The following DENND5B variants were observed in gnomAD, a reference collection of about 807,000 sequenced individuals.
DENND5B encodes DENN domain-containing protein 5B.
A neutral mutation model predicts 140.6 loss-of-function variants in DENND5B; 34 were observed. The observed-to-expected ratio is 0.24, with a 90% CI of 0.18 to 0.32. The LOEUF (loss-of-function observed/expected upper bound fraction) is 0.32, where lower values mean the gene tolerates loss of function less well. DENND5B is among the 10% of genes least tolerant of loss of function. DENND5B has a pLI of 1.00. For synonymous variants in DENND5B, 551 were observed against 562.1 expected (o/e 0.98, Z 0.28); for missense variants, 1,142 against 1,560.2 (o/e 0.73, Z 4.52).
At chr12:31,530,335 T>A (rs1203596908) in intron 1 of DENND5B, among the ~76,000 whole-genome samples, 1 of 152,186 alleles carries the variant, frequency 6.6e-6, no homozygotes, top group Non-Finnish European at 1.5e-5. Context: ...ATCGTGCCAT[T>A]GCACTCCAGC....
chr12:31,432,958 A>G (rs1943577481), intron 8 of DENND5B, 197 bp downstream of exon 8: 1 of 521,424 alleles, frequency 1.9e-6, no homozygotes, highest in African/African-American at 2.0e-5. Flanking sequence ...CTTATTATAG[A>G]TGTCTTGAAA....
intron 1 of DENND5B, among the ~76,000 whole-genome samples, chr12:31,572,019 G>C (rs1457893888): frequency 1.3e-5 from 2 of 152,272 alleles, no homozygotes; most frequent in African/African-American, 4.8e-5. Context: ...GAGGTCGGGA[G>C]CTCAAGACCA....
At chr12:31,424,139 C>A (rs978718670) in intron 10 of DENND5B, among the ~76,000 whole-genome samples, 5 of 152,000 alleles carry the variant, frequency 3.3e-5, no homozygotes, top group Non-Finnish European at 5.9e-5. Context: ...AAGAAACATG[C>A]ACACATCAGA....
intron 1 of DENND5B, among the ~76,000 whole-genome samples, chr12:31,551,836 G>T: frequency 6.6e-6 from 1 of 152,184 alleles, no homozygotes. Context: ...ATTGTGAATG[G>T]GAGTTCACTC....
intron 1 of DENND5B, among the ~76,000 whole-genome samples, chr12:31,588,265 G>A (rs1197948794): frequency 6.6e-6 from 1 of 152,100 alleles, no homozygotes; most frequent in Non-Finnish European, 1.5e-5. Flanking sequence ...CCCTCCCTGT[G>A]AGGCCTTCCC....
intron 1 of DENND5B, among the ~76,000 whole-genome samples, chr12:31,556,023 G>A (rs549999302): frequency 1.8e-4 from 28 of 152,296 alleles, no homozygotes; most frequent in African/African-American, 5.3e-4. Flanking sequence ...GTGATGCCTC[G>A]CCCTGCTTCG....
Position 31,389,490 on chromosome 12 carries a change from C to A in DENND5B, c.3475G>T (p.Val1159Phe). The change falls in exon 20 of 21, where the codon GTT (valine) becomes TTT (phenylalanine). Residue 1159 changes from valine (V) to phenylalanine (F), a missense_variant. Physicochemically the swap from Val to Phe is conservative, Grantham distance 50. Around this residue, in one of 5 missense-constraint regions of DENND5B, gnomAD observed 125 missense variants for 179.0 expected, o/e 0.70. Transcript: ENST00000389082. ...VFIWDFIEKV[V>F]AYFETTDQIL... ...TGGTCAGTTGTTTCAAAATAAGCAA[C>A]CACTTTCTCTGAGGAAAAAAGTCAG... The A allele has an allele frequency of 6.3e-7, 1 of 1,582,262 alleles. No individual in the cohort carries two copies. The highest frequency in any genetic ancestry group is 8.6e-7 in the Non-Finnish European group (1 of 1,162,922).
rs1407109172 is a variant in DENND5B at position 31,563,028 on chromosome 12, CAGATGGAGAGCCTGCAAAGT to C, written c.127+27658_127+27677del. Reference sequence around the variant, plus strand: ...AATAACTGCACCTAGCTTGGTGAGACAGATGGAGAGCCTGCAAAGTCTACAAACTTTTTGTTTAAAAGGTG... The same window carrying C: ...AATAACTGCACCTAGCTTGGTGAGACCTACAAACTTTTTGTTTAAAAGGTG... On this transcript the variant is annotated intron_variant, in intron 1 of 20. Coordinates refer to ENST00000389082, the MANE Select transcript of DENND5B (RefSeq NM_144973.4). Among the ~76,000 whole-genome samples the C allele has an allele frequency of 2.6e-5, 4 of 151,582 alleles. No homozygotes were observed. In the East Asian group the frequency reaches 7.7e-4, roughly 29 times the overall value.
At chr12:31,452,666 GA>G (rs1374098998) in intron 4 of DENND5B, among the ~76,000 whole-genome samples, 190 bp from the exon 5 acceptor site, 3 of 151,010 alleles carry the variant, frequency 2.0e-5, no homozygotes, top group South Asian at 2.1e-4. Context: ...TCTACAAAAA[GA>G]AAAAAAAATT....
intron 3 of DENND5B, among the ~76,000 whole-genome samples, chr12:31,463,032 G>T (rs551006947): frequency 1.1e-3 from 173 of 152,270 alleles, no homozygotes; most frequent in Non-Finnish European, 2.0e-3. Flanking sequence ...GGAGGCCAAG[G>T]CAGGAGAATC....
chr12:31,571,368 C>G (rs1949815880), intron 1 of DENND5B, among the ~76,000 whole-genome samples: 1 of 152,090 alleles, frequency 6.6e-6, no homozygotes. Context: ...CTAGTGTTTT[C>G]CCCTTTCCAT....
At chr12:31,515,019 G>C (rs562727168) in intron 1 of DENND5B, among the ~76,000 whole-genome samples, 1 of 152,088 alleles carries the variant, frequency 6.6e-6, no homozygotes, top group Admixed American at 6.5e-5. Flanking sequence ...GCTACTCAAG[G>C]GACTGAAGTG....
chr12:31,479,725 G>A lies in DENND5B; in HGVS notation c.768C>T (p.Cys256=). ...GGAGTTCACTGGGCCCAGGCCTCTG[G>A]CAGATGACAGGTTCATAAACACCAT... ...KFYGVYEPVI[C]QRPGPSELPL... Residue 256 remains cysteine (C), a synonymous_variant, in exon 3 of 21, where the codon TGC becomes TGT. Transcript: ENST00000389082. The A allele has an allele frequency of 6.3e-7, 1 of 1,599,290 alleles. No individual in the cohort carries two copies. The highest frequency in any genetic ancestry group is 8.5e-7 in the Non-Finnish European group (1 of 1,172,890).
intron 1 of DENND5B, among the ~76,000 whole-genome samples, chr12:31,562,912 T>C (rs141009615): frequency 7.3e-6 from 1 of 136,526 alleles, no homozygotes; most frequent in East Asian, 2.3e-4. Context: ...ATCTATAAAC[T>C]GCTTTCCTTT....
intron 6 of DENND5B, among the ~76,000 whole-genome samples, chr12:31,443,241 A>G (rs530766667): frequency 1.8e-4 from 28 of 152,218 alleles, no homozygotes; most frequent in South Asian, 6.2e-4. Flanking sequence ...AGTTCCAGCT[A>G]GTTTTGTATT....
At position 31,383,999 on chromosome 12, in the gene DENND5B, G is replaced by C. The variant is rs1214791185; in HGVS notation, c.*3604C>G. The C allele has an allele frequency of 6.6e-6, 1 of 151,996 alleles. No individual in the cohort carries two copies. The highest frequency in any genetic ancestry group is 1.5e-5 in the Non-Finnish European group (1 of 68,014). The allele number at this position is 151,996 out of a possible 1,614,324, so 9.4% of individuals were successfully genotyped here. On this transcript the variant is annotated 3_prime_UTR_variant, in exon 21 of 21. Coordinates refer to ENST00000389082, the MANE Select transcript of DENND5B (RefSeq NM_144973.4). The stretch of plus-strand genomic sequence containing the variant: ...AAATATTGATTTTTTTATTTACTTT[G>C]AGATGTAATCCTAAAGCAATGTATT...
chr12:31,409,803 C>T lies in DENND5B; in HGVS notation c.2682-419G>A, dbSNP rs1382567723. ...CATTTTTTTTCTTTTGTTTCTTTCC[C>T]ATTATGTCTTTTTTCCAGGATGGGG... is the stretch of plus-strand genomic sequence containing the variant. On this transcript the variant is annotated intron_variant, in intron 13 of 20. Transcript: ENST00000389082. Among the ~76,000 whole-genome samples, 4 of 151,698 alleles carry T rather than the reference C, an allele frequency of 2.6e-5. No homozygotes were observed. The South Asian group carries it at 6.3e-4, about 24-fold the overall frequency.
At chr12:31,453,411 T>C (rs1261406795) in intron 4 of DENND5B, among the ~76,000 whole-genome samples, 17 of 152,176 alleles carry the variant, frequency 1.1e-4, no homozygotes, top group Non-Finnish European at 5.9e-5. Flanking sequence ...AGGCCAAGCA[T>C]ATGTATAAAG....
chr12:31,536,905 G>T (rs189832011), intron 1 of DENND5B, among the ~76,000 whole-genome samples: 1 of 152,198 alleles, frequency 6.6e-6, no homozygotes, highest in Non-Finnish European at 1.5e-5. Flanking sequence ...ATCCTTACAG[G>T]CCAGAAGAGA....
Sources: gnomAD v4.1 joint callset for allele counts (sites outside exome capture counted in the v4.1 genomes callset) on GRCh38, gnomAD v4.1.1 for gene constraint, gnomAD v4.1.1 regional missense constraint, MANE v1.5 for transcripts, NCBI Gene and HGNC (gene_info 2026-07-23, HGNC 2026-07-21) for gene names.